Variants in CNTNAP2 observed in about 807,000 individuals in gnomAD.
CNTNAP2 encodes the protein contactin-associated protein-like 2.
A neutral mutation model predicts 155.2 loss-of-function variants in CNTNAP2; 98 were observed. That is an observed-to-expected ratio of 0.63 (90% CI 0.54 to 0.75). The LOEUF is 0.75. Ranked by LOEUF, CNTNAP2 falls within the 30% of genes least tolerant of loss-of-function variation. The pLI, the probability that CNTNAP2 is intolerant of heterozygous loss-of-function variation, is 0.00. For missense variants in CNTNAP2, 1,727 were observed against 1,688.1 expected, an observed-to-expected ratio of 1.02 and a Z score of -0.40; for synonymous variants, 651 against 631.2, an observed-to-expected ratio of 1.03 and a Z score of -0.47.
At chr7:148,129,252 A>C (rs1804776282) in intron 16 of CNTNAP2, among the ~76,000 whole-genome samples, 1 of 152,202 alleles carries the variant, frequency 6.6e-6, no homozygotes, top group Non-Finnish European at 1.5e-5. Flanking sequence ...TTTTAGGACA[A>C]TAAAAAGAAA....
At chr7:146,931,620 A>G (rs1796759826) in intron 3 of CNTNAP2, among the ~76,000 whole-genome samples, 1 of 151,060 alleles carries the variant, frequency 6.6e-6, no homozygotes, top group African/African-American at 2.4e-5. Context: ...GACACAAAAA[A>G]CCCTTCAAAA....
chr7:147,311,263 A>G (rs376390473), intron 9 of CNTNAP2, among the ~76,000 whole-genome samples: 5 of 152,320 alleles, frequency 3.3e-5, no homozygotes, highest in African/African-American at 1.2e-4. Flanking sequence ...AGGTTAAGAC[A>G]GAATCAGACA....
At chr7:147,332,308 A>G (rs1795584431) in intron 9 of CNTNAP2, among the ~76,000 whole-genome samples, 1 of 152,234 alleles carries the variant, frequency 6.6e-6, no homozygotes, top group African/African-American at 2.4e-5. Context: ...CAAAACGGAA[A>G]ACATTCTATA....
At chr7:147,954,074 G>C (rs1167111846) in intron 14 of CNTNAP2, among the ~76,000 whole-genome samples, 1 of 152,168 alleles carries the variant, frequency 6.6e-6, no homozygotes, top group Non-Finnish European at 1.5e-5. Context: ...AGAGAAATGG[G>C]ATAGAAGGGA....
At chr7:146,537,537 G>A (rs1336870608) in intron 1 of CNTNAP2, among the ~76,000 whole-genome samples, 2 of 152,062 alleles carry the variant, frequency 1.3e-5, no homozygotes, top group South Asian at 2.1e-4. Flanking sequence ...AATATGTCAC[G>A]TCAGATGGTG....
chr7:147,392,094 A>T (rs73475235), intron 9 of CNTNAP2, among the ~76,000 whole-genome samples: 3,833 of 152,144 alleles, frequency 0.025, 183 homozygotes, highest in African/African-American at 0.088. Context: ...CCATATTATC[A>T]CAAGAAACAA....
intron 21 of CNTNAP2, among the ~76,000 whole-genome samples, chr7:148,351,290 T>A (rs1181773569): frequency 1.3e-5 from 2 of 152,010 alleles, no homozygotes; most frequent in African/African-American, 4.8e-5. Context: ...GTTGGTCAGG[T>A]AAGGCCTCCT....
intron 13 of CNTNAP2, among the ~76,000 whole-genome samples, chr7:147,801,386 G>A (rs1419642938): frequency 1.3e-5 from 2 of 150,078 alleles, no homozygotes; most frequent in East Asian, 3.9e-4. Flanking sequence ...GATTTGGCAG[G>A]GTCATAGGAC....
At chr7:146,544,460 C>A (rs539163142) in intron 1 of CNTNAP2, among the ~76,000 whole-genome samples, 1 of 152,024 alleles carries the variant, frequency 6.6e-6, no homozygotes, top group South Asian at 2.1e-4. Flanking sequence ...GTTGTTCTTC[C>A]CTGAGTAACA....
At chr7:146,997,407 C>G (rs1387282899) in intron 3 of CNTNAP2, among the ~76,000 whole-genome samples, 1 of 152,098 alleles carries the variant, frequency 6.6e-6, no homozygotes, top group East Asian at 1.9e-4. Context: ...ATCCTTTCAT[C>G]TCTGAGGTAA....
chr7:147,573,384 T>C (rs1388824349), intron 12 of CNTNAP2, among the ~76,000 whole-genome samples: 1 of 152,214 alleles, frequency 6.6e-6, no homozygotes, highest in Non-Finnish European at 1.5e-5. Context: ...AAACTTGCTG[T>C]ATCATTCACT....
chr7:147,601,535 T>C (rs1800943523), intron 12 of CNTNAP2, among the ~76,000 whole-genome samples: 1 of 151,838 alleles, frequency 6.6e-6, no homozygotes, highest in Admixed American at 6.6e-5. Flanking sequence ...TCAGGCCATC[T>C]GGATGTATAC....
chr7:148,173,957 A>C (rs1794881446), intron 18 of CNTNAP2, among the ~76,000 whole-genome samples: 1 of 152,074 alleles, frequency 6.6e-6, no homozygotes, highest in Non-Finnish European at 1.5e-5. Flanking sequence ...CTCACGCAAA[A>C]CCTCTGGAGA....
intron 17 of CNTNAP2, among the ~76,000 whole-genome samples, chr7:148,165,368 C>A (rs982056165): frequency 6.6e-6 from 1 of 152,070 alleles, no homozygotes; most frequent in Non-Finnish European, 1.5e-5. Context: ...CAAATGCAGT[C>A]ACATTGGAGG....
intron 1 of CNTNAP2, among the ~76,000 whole-genome samples, chr7:146,472,706 C>A (rs377554431): frequency 6.6e-6 from 1 of 151,750 alleles, no homozygotes; most frequent in Non-Finnish European, 1.5e-5. Flanking sequence ...TATTAAAATA[C>A]GTTTTACACA....
intron 8 of CNTNAP2, among the ~76,000 whole-genome samples, chr7:147,284,636 C>T (rs570031335): frequency 6.6e-6 from 1 of 151,872 alleles, no homozygotes; most frequent in South Asian, 2.1e-4. Context: ...CACAAAAAGA[C>T]TTGGTAACAT....
intron 1 of CNTNAP2, among the ~76,000 whole-genome samples, chr7:146,653,837 A>G (rs555023007): frequency 1.3e-5 from 2 of 152,244 alleles, no homozygotes; most frequent in Admixed American, 6.5e-5. Context: ...GGAAAGAAAC[A>G]GAAGAAGAGA....
At chr7:147,719,474 C>T (rs1031778101) in intron 13 of CNTNAP2, among the ~76,000 whole-genome samples, 1 of 152,040 alleles carries the variant, frequency 6.6e-6, no homozygotes, top group Non-Finnish European at 1.5e-5. Flanking sequence ...AATCTGCCAG[C>T]TTCTGTACAC....
chr7:147,424,435 T>C (rs1483165455), intron 10 of CNTNAP2, among the ~76,000 whole-genome samples: 8 of 152,264 alleles, frequency 5.3e-5, no homozygotes, highest in African/African-American at 1.7e-4. Flanking sequence ...AAACATTTTC[T>C]TGTAGTTTTC....
Sources: allele counts gnomAD v4.1 joint callset (sites outside exome capture counted in the v4.1 genomes callset), GRCh38; gene constraint gnomAD v4.1.1; transcripts MANE v1.5; gene names NCBI Gene and HGNC (gene_info 2026-07-23, HGNC 2026-07-21).